PRRG1: variants seen among roughly 807,000 people sequenced by gnomAD.
PRRG1 encodes the protein proline rich and Gla domain 1.
In PRRG1, 5 loss-of-function variants were observed where a neutral mutation model predicts 11.8. The ratio of observed to expected loss-of-function variants is 0.42; its 90% CI spans 0.22 to 0.89. The LOEUF is 0.89. Ranked by LOEUF, PRRG1 falls within the 40% of genes least tolerant of loss-of-function variation. The pLI is 0.28. For missense variants in PRRG1, 155 were observed against 166.1 expected (o/e 0.93, Z 0.37); for synonymous variants, 66 against 60.4 (o/e 1.09, Z -0.43).
At chrX:37,371,721 G>A (rs891242250) in intron 1 of PRRG1, among the ~76,000 whole-genome samples, 1 of 113,137 alleles carries the variant, frequency 8.8e-6, no homozygotes, top group Non-Finnish European at 1.9e-5. Context: ...GGGAGCCAGC[G>A]CCCATGCCAG....
chrX:37,359,304 C>T (rs183513146), intron 1 of PRRG1, among the ~76,000 whole-genome samples: 2 of 109,320 alleles, frequency 1.8e-5, no homozygotes, highest in African/African-American at 6.7e-5. Flanking sequence ...AGTGAGTTCC[C>T]ATCTATTCCT....
chrX:37,425,921 G>A lies in PRRG1; in HGVS notation c.92G>A (p.Gly31Asp). ...ANGFFEEIRQ[G>D]NIERECKEEF... ...GGGTTTTTTGAAGAAATAAGACAGG[G>A]CAACATTGAGCGTGAGTGCAAAGAA... Residue 31 changes from glycine (G) to aspartate (D), a missense_variant, in exon 3 of 4, where the codon GGC becomes GAC. By Grantham distance (94) the Gly-to-Asp change is moderately conservative. Transcript: ENST00000378628. 1 of 1,206,268 alleles carries A rather than the reference G, an allele frequency of 8.3e-7. No individual in the cohort carries two copies. The highest frequency in any genetic ancestry group is 1.1e-6 in the Non-Finnish European group (1 of 892,428).
At chrX:37,412,696 GAAA>G (rs1164075715) in intron 2 of PRRG1, among the ~76,000 whole-genome samples, 1 of 98,027 alleles carries the variant, frequency 1.0e-5, no homozygotes, top group Non-Finnish European at 2.1e-5. Flanking sequence ...TTTCTCACCA[GAAA>G]AAAAAAAAGA....
chrX:37,400,904 G>T (rs1265659740), intron 1 of PRRG1, among the ~76,000 whole-genome samples: 1 of 111,212 alleles, frequency 9.0e-6, no homozygotes, highest in Admixed American at 9.5e-5. Context: ...TAAATTCCTC[G>T]ACACATACAC....
At chrX:37,415,403 G>T (rs1485732203) in intron 2 of PRRG1, among the ~76,000 whole-genome samples, 1 of 111,137 alleles carries the variant, frequency 9.0e-6, no homozygotes, top group Non-Finnish European at 1.9e-5. Context: ...GTGAGACTCT[G>T]TCTCAAAAAA....
At chrX:37,439,106 A>G (rs1396836061) in intron 3 of PRRG1, among the ~76,000 whole-genome samples, 2 of 112,001 alleles carry the variant, frequency 1.8e-5, no homozygotes, top group Non-Finnish European at 3.8e-5. Context: ...TGTTAGCCCA[A>G]GTCTTGGGTA....
chrX:37,396,968 C>G (rs1239591687), intron 1 of PRRG1, among the ~76,000 whole-genome samples: 1 of 111,895 alleles, frequency 8.9e-6, no homozygotes, highest in Non-Finnish European at 1.9e-5. Flanking sequence ...CCAAATGCCC[C>G]CTCGGGGGAA....
At chrX:37,381,417 C>A (rs781787151) in intron 1 of PRRG1, among the ~76,000 whole-genome samples, 3 of 111,843 alleles carry the variant, frequency 2.7e-5, no homozygotes, top group Admixed American at 9.5e-5. Context: ...TACATTTCTT[C>A]TTTTGAGGAC....
intron 3 of PRRG1, among the ~76,000 whole-genome samples, chrX:37,429,194 T>C (rs1556389293): frequency 8.9e-6 from 1 of 112,411 alleles, no homozygotes; most frequent in East Asian, 2.8e-4. Context: ...CCTCATTGTC[T>C]TGGGGATTAA....
chrX:37,365,609 T>C (rs1187312225), intron 1 of PRRG1, among the ~76,000 whole-genome samples: 1 of 112,282 alleles, frequency 8.9e-6, no homozygotes, highest in Non-Finnish European at 1.9e-5. Flanking sequence ...ACTCATTTTG[T>C]TGGAGGTTCT....
At chrX:37,427,194 C>T (rs1932783865) in intron 3 of PRRG1, among the ~76,000 whole-genome samples, 1 of 111,829 alleles carries the variant, frequency 8.9e-6, no homozygotes, top group East Asian at 2.8e-4. Flanking sequence ...TTATCATTCT[C>T]CTTTAAAGAA....
chrX:37,365,129 C>T (rs782680189), intron 1 of PRRG1, among the ~76,000 whole-genome samples: 8 of 111,650 alleles, frequency 7.2e-5, no homozygotes, highest in Middle Eastern at 4.6e-3. Flanking sequence ...AGGACAAATG[C>T]GGGAATAAAG....
chrX:37,408,910 A>C lies in PRRG1; in HGVS notation c.10+2651A>C, dbSNP rs782173353. Among the ~76,000 whole-genome samples, 8 of 111,574 alleles carry C rather than the reference A, an allele frequency of 7.2e-5. No individual in the cohort carries two copies. The South Asian group carries it at 3.1e-3, about 43-fold the overall frequency. On this transcript the variant is annotated intron_variant, in intron 2 of 3. Coordinates refer to ENST00000378628, the MANE Select transcript of PRRG1 (RefSeq NM_001142395.2). Reference sequence around the variant, plus strand: ...TCTATTCATTTTTAGACTGCTCATCAGGTCACTAGCAAAGGGACTGTTAGG... The same window carrying C: ...TCTATTCATTTTTAGACTGCTCATCCGGTCACTAGCAAAGGGACTGTTAGG...
intron 1 of PRRG1, among the ~76,000 whole-genome samples, chrX:37,402,981 C>T (rs1440595256): frequency 3.6e-5 from 4 of 111,081 alleles, no homozygotes; most frequent in Non-Finnish European, 7.5e-5. Flanking sequence ...CAGGAAACAA[C>T]GGGTGCTGGA....
At chrX:37,369,089 G>C (rs1930675000) in intron 1 of PRRG1, among the ~76,000 whole-genome samples, 2 of 112,024 alleles carry the variant, frequency 1.8e-5, no homozygotes, top group Admixed American at 9.4e-5. Flanking sequence ...GGATAAAATA[G>C]TATTTTGCAT....
intron 1 of PRRG1, among the ~76,000 whole-genome samples, chrX:37,396,365 C>T (rs1556378170): frequency 9.0e-6 from 1 of 111,442 alleles, no homozygotes; most frequent in Non-Finnish European, 1.9e-5. Context: ...GTGTCCCCAC[C>T]CAAATCTCAT....
At chrX:37,367,833 G>A (rs1446051630) in intron 1 of PRRG1, among the ~76,000 whole-genome samples, 2 of 112,418 alleles carry the variant, frequency 1.8e-5, no homozygotes, top group Non-Finnish European at 3.8e-5. Flanking sequence ...TGCTACTAGA[G>A]AGAAAGCACG....
chrX:37,366,275 T>C (rs781901393), intron 1 of PRRG1, among the ~76,000 whole-genome samples: 1 of 112,194 alleles, frequency 8.9e-6, no homozygotes, highest in South Asian at 3.7e-4. Flanking sequence ...AGACAGTTTC[T>C]CATCCCTGTC....
chrX:37,364,335 T>G (rs376420701), intron 1 of PRRG1, among the ~76,000 whole-genome samples: 27 of 112,244 alleles, frequency 2.4e-4, no homozygotes, highest in African/African-American at 8.7e-4. Context: ...GAATGCAATC[T>G]GATTATCATT....
Sources: allele counts gnomAD v4.1 joint callset (sites outside exome capture counted in the v4.1 genomes callset), GRCh38; gene constraint gnomAD v4.1.1; transcripts MANE v1.5; gene names NCBI Gene and HGNC (gene_info 2026-07-23, HGNC 2026-07-21).